MTMR6: variants seen among roughly 807,000 people sequenced by gnomAD.
The protein encoded by MTMR6 is myotubularin related protein 6.
MTMR6 carries 47 observed loss-of-function variants against 80.1 expected under a neutral mutation model. The ratio of observed to expected loss-of-function variants is 0.59; its 90% CI spans 0.46 to 0.75. The LOEUF is 0.75. Ranked by LOEUF, MTMR6 falls within the 30% of genes least tolerant of loss-of-function variation. MTMR6 has a pLI of 0.00. For missense variants in MTMR6, 629 were observed against 730.9 expected (o/e 0.86, Z 1.61); for synonymous variants, 254 against 253.0 (o/e 1.00, Z -0.04).
Position 25,249,002 on chromosome 13 carries a change from C to A in MTMR6, c.*230G>T. ...GTGCAAATTGTGTTTTGAGTAAATA[C>A]ATCAAATACCACTCATTTCTTACAG... On this transcript the variant is annotated 3_prime_UTR_variant, in exon 14 of 14. Coordinates refer to ENST00000381801, the MANE Select transcript of MTMR6 (RefSeq NM_004685.5). The A allele has an allele frequency of 1.9e-6, 1 of 520,790 alleles. No individual in the cohort carries two copies. Among genetic ancestry groups the A allele is most frequent in the South Asian group, 2.9e-5 (1 of 34,086 alleles). The allele number at this position is 520,790 out of a possible 1,614,324, so 32.3% of individuals were successfully genotyped here.
chr13:25,264,108 T>C (rs1368098493), intron 5 of MTMR6, among the ~76,000 whole-genome samples: 1 of 151,866 alleles, frequency 6.6e-6, no homozygotes, highest in Non-Finnish European at 1.5e-5. Flanking sequence ...ATCTTTAACA[T>C]CCTCAAAGAA....
chr13:25,275,145 G>A (rs1214914318), intron 1 of MTMR6, among the ~76,000 whole-genome samples: 2 of 152,102 alleles, frequency 1.3e-5, no homozygotes, highest in African/African-American at 2.4e-5. Context: ...TGTTAATTTG[G>A]GCCAGGCACG....
Position 25,255,293 on chromosome 13 carries a change from T to C in MTMR6, c.1096-859A>G, listed in dbSNP as rs1253241411. Among the ~76,000 whole-genome samples the C allele has an allele frequency of 7.2e-5, 11 of 152,260 alleles. 1 individual carries two copies. The highest frequency in any genetic ancestry group is 1.5e-5 in the Non-Finnish European group (1 of 68,040). ...AGCTTCACCACTTTGTGTGACCTTG[T>C]GGCTGGAGCCACAGATTTTATTCTG... On this transcript the variant is annotated intron_variant, in intron 9 of 13. Coordinates refer to ENST00000381801, the MANE Select transcript of MTMR6 (RefSeq NM_004685.5).
chr13:25,285,841 G>A (rs1444625805), intron 1 of MTMR6, among the ~76,000 whole-genome samples: 4 of 152,046 alleles, frequency 2.6e-5, no homozygotes, highest in Admixed American at 1.3e-4. Context: ...GCCTTTTACC[G>A]GTTTTCGATT....
At chr13:25,263,809 C>A (rs113877042) in intron 5 of MTMR6, among the ~76,000 whole-genome samples, 45 of 152,246 alleles carry the variant, frequency 3.0e-4, no homozygotes, top group Admixed American at 5.9e-4. Flanking sequence ...TCACTGGAAC[C>A]CAGGAGGCGG....
At chr13:25,265,644 A>T (rs1453939287) in intron 5 of MTMR6, among the ~76,000 whole-genome samples, 175 bp downstream of exon 5, 1 of 152,010 alleles carries the variant, frequency 6.6e-6, no homozygotes. Flanking sequence ...GAGGCACAAG[A>T]ACTGCTTGAA....
chr13:25,282,170 C>T (rs1566045204), intron 1 of MTMR6, among the ~76,000 whole-genome samples: 1 of 152,076 alleles, frequency 6.6e-6, no homozygotes, highest in Non-Finnish European at 1.5e-5. Flanking sequence ...TCCCCGCCAT[C>T]CCCCATGTGG....
At chr13:25,259,676 G>C (rs544050227) in intron 6 of MTMR6, among the ~76,000 whole-genome samples, 2 of 152,050 alleles carry the variant, frequency 1.3e-5, no homozygotes, top group African/African-American at 4.8e-5. Flanking sequence ...ATACAAATAA[G>C]AACTATGAGG....
chr13:25,253,011 A>G (rs118109969), intron 11 of MTMR6, among the ~76,000 whole-genome samples: 4,097 of 152,192 alleles, frequency 0.027, 76 homozygotes, highest in Non-Finnish European at 0.037. Flanking sequence ...TTTATTGCCT[A>G]CTGTAAGAGG....
At chr13:25,259,232 C>A (rs999182685) in intron 6 of MTMR6, among the ~76,000 whole-genome samples, 1 of 152,072 alleles carries the variant, frequency 6.6e-6, no homozygotes, top group Admixed American at 6.6e-5. Context: ...GGCATATAAT[C>A]GGCTATCCTG....
At chr13:25,285,936 C>T (rs568886640) in intron 1 of MTMR6, among the ~76,000 whole-genome samples, 25 of 152,300 alleles carry the variant, frequency 1.6e-4, no homozygotes, top group African/African-American at 6.0e-4. Flanking sequence ...TTAGCTACTA[C>T]ATAATACATA....
chr13:25,247,819 G>A lies in MTMR6; in HGVS notation c.*1413C>T, dbSNP rs11842098. The A allele has an allele frequency of 5.7e-4, 86 of 152,172 alleles. No individual in the cohort carries two copies. The highest frequency in any genetic ancestry group is 2.0e-3 in the African/African-American group (85 of 41,530). 9.4% of individuals were successfully genotyped at this position (152,172 alleles called of 1,614,324 possible). On this transcript the variant is annotated 3_prime_UTR_variant, in exon 14 of 14. Transcript: ENST00000381801. ...TTATATTCAAAACTAATATAATAGAGGTGTAACAGAAAGTAGCATGAGGAA... is the reference window on the plus strand; with the variant it reads ...TTATATTCAAAACTAATATAATAGAAGTGTAACAGAAAGTAGCATGAGGAA...
At chr13:25,282,940 C>T (rs922677021) in intron 1 of MTMR6, among the ~76,000 whole-genome samples, 9 of 151,902 alleles carry the variant, frequency 5.9e-5, no homozygotes, top group Admixed American at 5.9e-4. Flanking sequence ...GACTTTTCTC[C>T]ACAGAGTCTC....
chr13:25,255,743 C>T (rs555249904), intron 9 of MTMR6, among the ~76,000 whole-genome samples: 5 of 152,214 alleles, frequency 3.3e-5, no homozygotes, highest in South Asian at 4.2e-4. Context: ...AGGCTGGTCT[C>T]GAATTCCTGA....
intron 1 of MTMR6, among the ~76,000 whole-genome samples, chr13:25,280,806 C>T (rs544843586): frequency 5.6e-4 from 85 of 151,920 alleles, no homozygotes; most frequent in African/African-American, 1.8e-3. Flanking sequence ...AAACGAAAAA[C>T]GAAAATGTGG....
intron 5 of MTMR6, among the ~76,000 whole-genome samples, chr13:25,265,031 T>C (rs1197546380): frequency 6.6e-6 from 1 of 152,140 alleles, no homozygotes; most frequent in Non-Finnish European, 1.5e-5. Context: ...GGCCTTCTAT[T>C]AGTAGGCTAC....
Position 25,254,326 on chromosome 13 carries a change from G to A in MTMR6, c.1145+59C>T, listed in dbSNP as rs1249944453. On this transcript the variant is annotated intron_variant, in intron 10 of 13. Coordinates refer to ENST00000381801, the MANE Select transcript of MTMR6 (RefSeq NM_004685.5). Reference sequence around the variant, plus strand: ...GTTCATAAGGAACAGAAACATTTTGGCATTCTAAACTTGGTTTACTAATTT... The same window carrying A: ...GTTCATAAGGAACAGAAACATTTTGACATTCTAAACTTGGTTTACTAATTT... The A allele has an allele frequency of 5.0e-6, 6 of 1,206,884 alleles. No homozygotes were observed. The Admixed American group carries it at 6.9e-5, about 14-fold the overall frequency. 74.8% of individuals were successfully genotyped at this position (1,206,884 alleles called of 1,614,324 possible).
At chr13:25,254,049 T>A in intron 10 of MTMR6, 85 bp from the exon 11 acceptor site, 1 of 1,367,934 alleles carries the variant, frequency 7.3e-7, no homozygotes, top group Non-Finnish European at 1.0e-6. Flanking sequence ...CATACAAAAA[T>A]ATTCCTAAAG....
intron 1 of MTMR6, among the ~76,000 whole-genome samples, chr13:25,279,884 A>T (rs1957808511): frequency 6.6e-6 from 1 of 152,388 alleles, no homozygotes; most frequent in South Asian, 2.1e-4. Context: ...GCTGTAGATT[A>T]AAAAAGATAC....
Sources: gnomAD v4.1 joint callset for allele counts (sites outside exome capture counted in the v4.1 genomes callset) on GRCh38, gnomAD v4.1.1 for gene constraint, MANE v1.5 for transcripts, NCBI Gene and HGNC (gene_info 2026-07-23, HGNC 2026-07-21) for gene names.